Variants in BNC2 observed in about 807,000 individuals in gnomAD.
BNC2 encodes zinc finger protein basonuclin-2.
A neutral mutation model predicts 76.3 loss-of-function variants in BNC2; 20 were observed. That is an observed-to-expected ratio of 0.26 (90% CI 0.18 to 0.38). BNC2 has a LOEUF of 0.38. BNC2 is among the 10% of genes least tolerant of loss of function. The probability of loss-of-function intolerance (pLI) is 1.00; values close to 1 mark genes in which losing one functional copy is unlikely to be tolerated. For missense variants in BNC2, 1,382 were observed against 1,399.8 expected, an observed-to-expected ratio of 0.99 and a Z score of 0.20; for synonymous variants, 582 against 514.8, an observed-to-expected ratio of 1.13 and a Z score of -1.77.
intron 5 of BNC2, among the ~76,000 whole-genome samples, chr9:16,456,640 C>T (rs1292380869): frequency 6.6e-6 from 1 of 152,120 alleles, no homozygotes; most frequent in African/African-American, 2.4e-5. Flanking sequence ...TACTTTCTCC[C>T]CAAATGCTCT....
chr9:16,602,279 G>A (rs1301858368), intron 3 of BNC2, among the ~76,000 whole-genome samples: 1 of 152,180 alleles, frequency 6.6e-6, no homozygotes, highest in East Asian at 1.9e-4. Flanking sequence ...GTAAAAATGT[G>A]AGGTAAAAAT....
Position 16,523,375 on chromosome 9 carries a change from G to A in BNC2, c.669+29155C>T, listed in dbSNP as rs186903491. Among the ~76,000 whole-genome samples, 823 of 151,542 alleles carry A rather than the reference G, an allele frequency of 5.4e-3. 4 individuals carry two copies. The highest frequency in any genetic ancestry group is 9.5e-3 in the Non-Finnish European group (645 of 67,896). On this transcript the variant is annotated intron_variant, in intron 5 of 6. Coordinates refer to ENST00000380672, the MANE Select transcript of BNC2 (RefSeq NM_017637.6). ...GGTCCCAGCTACTTGGGAGGCTAAG[G>A]CAGGAGAATGGCATGAACCCGGGAG...
chr9:16,502,576 G>A (rs1173306321), intron 5 of BNC2, among the ~76,000 whole-genome samples: 1 of 151,894 alleles, frequency 6.6e-6, no homozygotes, highest in Non-Finnish European at 1.5e-5. Context: ...TTCTTCTTGG[G>A]GTGAATGGCT....
intron 3 of BNC2, among the ~76,000 whole-genome samples, chr9:16,692,708 C>G (rs902100828): frequency 6.6e-6 from 1 of 152,150 alleles, no homozygotes; most frequent in African/African-American, 2.4e-5. Flanking sequence ...TAAAAAGAGA[C>G]AGAGTCACTT....
chr9:16,790,041 C>T (rs1332303165), intron 1 of BNC2, among the ~76,000 whole-genome samples: 1 of 152,190 alleles, frequency 6.6e-6, no homozygotes, highest in Admixed American at 6.5e-5. Flanking sequence ...GCTCTGTCGC[C>T]TAGGCTGGAG....
At chr9:16,837,584 C>A (rs560996271) in intron 1 of BNC2, among the ~76,000 whole-genome samples, 2 of 152,310 alleles carry the variant, frequency 1.3e-5, no homozygotes, top group East Asian at 1.9e-4. Context: ...CATCTCCAGC[C>A]TCGAAGTCGA....
chr9:16,592,548 G>C (rs1819959139), intron 3 of BNC2, among the ~76,000 whole-genome samples: 1 of 152,130 alleles, frequency 6.6e-6, no homozygotes. Flanking sequence ...TAGGGTGACA[G>C]CTAAAGGGCA....
intron 3 of BNC2, among the ~76,000 whole-genome samples, chr9:16,656,166 T>A (rs1472620534): frequency 1.3e-5 from 2 of 152,158 alleles, no homozygotes; most frequent in Non-Finnish European, 1.5e-5. Context: ...ACACAAAATG[T>A]TACCAGTTCC....
At chr9:16,421,270 A>G (rs1390158038) in intron 6 of BNC2, 1 of 1,300,804 alleles carries the variant, frequency 7.7e-7, no homozygotes, top group Non-Finnish European at 1.0e-6. Context: ...ACCTTGTGAC[A>G]ATAAGATCAG....
At chr9:16,454,079 A>T (rs1462275892) in intron 5 of BNC2, among the ~76,000 whole-genome samples, 1 of 152,050 alleles carries the variant, frequency 6.6e-6, no homozygotes, top group African/African-American at 2.4e-5. Context: ...CCACCTATCA[A>T]ATGTTATCTC....
chr9:16,822,551 G>C lies in BNC2; in HGVS notation c.3+48095C>G, dbSNP rs146345729. Among the ~76,000 whole-genome samples the C allele has an allele frequency of 1.1e-3, 162 of 152,222 alleles. 1 individual carries two copies. Among genetic ancestry groups the C allele is most frequent in the Middle Eastern group, 3.4e-3 (1 of 294 alleles). On this transcript the variant is annotated intron_variant, in intron 1 of 6. Transcript: ENST00000380672. ...AAAAAATTTAAAAGAGAGGCAGAAAGATGGCAATCCATTAACAACTTACTG... is the reference window on the plus strand; with the variant it reads ...AAAAAATTTAAAAGAGAGGCAGAAACATGGCAATCCATTAACAACTTACTG...
chr9:16,700,818 T>G (rs1303229584), intron 3 of BNC2, among the ~76,000 whole-genome samples: 1 of 151,890 alleles, frequency 6.6e-6, no homozygotes, highest in Non-Finnish European at 1.5e-5. Flanking sequence ...AAGAAAAAAA[T>G]TAACTGAGCG....
intron 1 of BNC2, among the ~76,000 whole-genome samples, chr9:16,779,220 C>T (rs1288325491): frequency 6.7e-6 from 1 of 149,660 alleles, no homozygotes; most frequent in African/African-American, 2.5e-5. Context: ...AGGAGGACAG[C>T]TTGAGCCCAG....
chr9:16,529,035 C>G (rs918293001), intron 5 of BNC2, among the ~76,000 whole-genome samples: 1 of 152,296 alleles, frequency 6.6e-6, no homozygotes, highest in East Asian at 1.9e-4. Flanking sequence ...TCCGGAGGCT[C>G]TGCCGCCATC....
At chr9:16,512,183 T>C (rs985859474) in intron 5 of BNC2, among the ~76,000 whole-genome samples, 11 of 152,180 alleles carry the variant, frequency 7.2e-5, no homozygotes, top group Admixed American at 7.2e-4. Flanking sequence ...GATGAGGAAA[T>C]GAAATCCTTA....
intron 3 of BNC2, among the ~76,000 whole-genome samples, chr9:16,648,029 C>A (rs1046300656): frequency 3.9e-5 from 6 of 152,072 alleles, no homozygotes; most frequent in Admixed American, 2.0e-4. Flanking sequence ...AGACTGGTCC[C>A]TTTGAAGACA....
At chr9:16,839,144 A>C (rs1302880087) in intron 1 of BNC2, among the ~76,000 whole-genome samples, 1 of 152,242 alleles carries the variant, frequency 6.6e-6, no homozygotes, top group Admixed American at 6.5e-5. Flanking sequence ...TAATTTTCTC[A>C]GATAAAAGAC....
At position 16,706,976 on chromosome 9, in the gene BNC2, G is replaced by A. The variant is rs59129780; in HGVS notation, c.330+20821C>T. Among the ~76,000 whole-genome samples the A allele has an allele frequency of 8.8e-3, 1,335 of 152,330 alleles. 32 individuals are homozygous for A. The highest frequency in any genetic ancestry group is 0.03 in the African/African-American group (1,239 of 41,574). ...CCAGCACTTTGGGAGGCCGAGACGG[G>A]CGGATCACGAGGTCAGGAGATCGAG... On this transcript the variant is annotated intron_variant, in intron 3 of 6. Coordinates refer to ENST00000380672, the MANE Select transcript of BNC2 (RefSeq NM_017637.6).
At chr9:16,552,860 G>T in intron 4 of BNC2, 95 bp from the exon 5 acceptor site, 1 of 1,015,766 alleles carries the variant, frequency 9.8e-7, no homozygotes, top group Non-Finnish European at 1.5e-6. Flanking sequence ...AAGTTACCAG[G>T]GCTCCATTTC....
Sources: allele counts gnomAD v4.1 joint callset (sites outside exome capture counted in the v4.1 genomes callset), GRCh38; gene constraint gnomAD v4.1.1; transcripts MANE v1.5; gene names NCBI Gene and HGNC (gene_info 2026-07-23, HGNC 2026-07-21).